The following CCDC152 variants were observed in gnomAD, a reference collection of about 807,000 sequenced individuals.
CCDC152 encodes coiled-coil domain-containing protein 152.
A neutral mutation model predicts 38.1 loss-of-function variants in CCDC152; 37 were observed. The ratio of observed to expected loss-of-function variants is 0.97; its 90% confidence interval spans 0.75 to 1.28. The LOEUF is 1.28. CCDC152 is among the 50% of genes most tolerant of loss of function. The probability of loss-of-function intolerance (pLI) is 0.00; values close to 1 mark genes in which losing one functional copy is unlikely to be tolerated. For missense variants in CCDC152, 259 were observed against 292.1 expected (o/e 0.89, Z 0.83); for synonymous variants, 83 against 87.1 (o/e 0.95, Z 0.26).
At chr5:42,781,193 C>A (rs1759839591) in intron 5 of CCDC152, among the ~76,000 whole-genome samples, 1 of 152,262 alleles carries the variant, frequency 6.6e-6, no homozygotes, top group African/African-American at 2.4e-5. Flanking sequence ...CAGCTTAGTG[C>A]ACACAGTTGT....
At chr5:42,784,325 T>C (rs1451333860) in intron 6 of CCDC152, among the ~76,000 whole-genome samples, 4 of 152,088 alleles carry the variant, frequency 2.6e-5, no homozygotes, top group African/African-American at 9.7e-5. Flanking sequence ...GAAGGTATCT[T>C]ATTGTGGTTT....
At chr5:42,761,557 G>T (rs1759554095) in intron 2 of CCDC152, among the ~76,000 whole-genome samples, 1 of 152,114 alleles carries the variant, frequency 6.6e-6, no homozygotes, top group South Asian at 2.1e-4. Context: ...AGAGGTTGCA[G>T]TGAGCCAAGA....
At chr5:42,799,304 GATTATA>G in intron 7 of CCDC152, 65 bp from the exon 8 acceptor site, 1 of 774,388 alleles carries the variant, frequency 1.3e-6, no homozygotes, top group Admixed American at 2.8e-5. Context: ...GGATAACATG[GATTATA>G]ATTATAGAAA....
At chr5:42,776,921 G>T (rs560300761) in intron 4 of CCDC152, among the ~76,000 whole-genome samples, 2 of 152,150 alleles carry the variant, frequency 1.3e-5, no homozygotes, top group Admixed American at 1.3e-4. Flanking sequence ...AGTGCTTAAA[G>T]AGATATTTAT....
At chr5:42,798,876 G>A (rs1186824639) in intron 7 of CCDC152, among the ~76,000 whole-genome samples, 2 of 152,062 alleles carry the variant, frequency 1.3e-5, no homozygotes, top group African/African-American at 2.4e-5. Context: ...AAACTATATC[G>A]ACAAGATCGT....
chr5:42,793,767 C>T (rs1465136079), intron 6 of CCDC152, among the ~76,000 whole-genome samples: 1 of 152,118 alleles, frequency 6.6e-6, no homozygotes, highest in Admixed American at 6.6e-5. Context: ...TGTCACCATC[C>T]CTGGCTAATT....
chr5:42,784,541 T>C (rs556479528), intron 6 of CCDC152, among the ~76,000 whole-genome samples: 4 of 152,282 alleles, frequency 2.6e-5, no homozygotes, highest in African/African-American at 4.8e-5. Flanking sequence ...GCAAATATTT[T>C]CTCCCATTCT....
chr5:42,799,680 G>GA lies in CCDC152; in HGVS notation c.671dup (p.Asn224LysfsTer9), dbSNP rs920626028. The GA allele has an allele frequency of 6.5e-7, 1 of 1,545,912 alleles. No individual in the cohort carries two copies. The highest frequency in any genetic ancestry group is 2.0e-5 in the Admixed American group (1 of 49,790). On this transcript the variant is annotated frameshift_variant, in exon 9 of 9. Coordinates refer to ENST00000361970, the MANE Select transcript of CCDC152 (RefSeq NM_001134848.2). LOFTEE classifies it high-confidence loss of function. ...TTAGAAACTTCAGCATTTTCAAGAA[G>GA]AAAAAAACAAGGAGATTGCAATTCT...
chr5:42,788,393 A>C (rs1008694088), intron 6 of CCDC152, among the ~76,000 whole-genome samples: 6 of 152,080 alleles, frequency 3.9e-5, no homozygotes, highest in Non-Finnish European at 7.4e-5. Flanking sequence ...CTATAAATGA[A>C]ATCCAATCAG....
chr5:42,782,139 T>C (rs1759855070), intron 5 of CCDC152, among the ~76,000 whole-genome samples: 1 of 152,210 alleles, frequency 6.6e-6, no homozygotes, highest in South Asian at 2.1e-4. Flanking sequence ...TCATAAAGCA[T>C]ACACTTACCA....
At chr5:42,767,884 A>C (rs1250467764) in intron 3 of CCDC152, among the ~76,000 whole-genome samples, 1 of 152,234 alleles carries the variant, frequency 6.6e-6, no homozygotes, top group African/African-American at 2.4e-5. Flanking sequence ...TTTGAATTCT[A>C]TCAGTTAGCA....
chr5:42,790,885 G>A (rs1759989743), intron 6 of CCDC152, among the ~76,000 whole-genome samples: 1 of 152,144 alleles, frequency 6.6e-6, no homozygotes, highest in African/African-American at 2.4e-5. Context: ...AGTCAATTAT[G>A]CTCTCCGAAA....
chr5:42,799,641 ATTTT>A lies in CCDC152; in HGVS notation c.643-15_643-12del. ...TTTTATTTCTGAATTCTAATAACAA[ATTTT>A]TTGTTTCGTTTAGAAACTTCAGCAT... On this transcript the variant is annotated splice_polypyrimidine_tract_variant and intron_variant, in intron 8 of 8. Coordinates refer to ENST00000361970, the MANE Select transcript of CCDC152 (RefSeq NM_001134848.2). The A allele has an allele frequency of 6.6e-7, 1 of 1,521,524 alleles. No homozygotes were observed. The highest frequency in any genetic ancestry group is 8.9e-7 in the Non-Finnish European group (1 of 1,128,116). The allele number at this position is 1,521,524 out of a possible 1,614,324, so 94.3% of individuals were successfully genotyped here.
chr5:42,762,475 A>T lies in CCDC152; in HGVS notation c.120A>T (p.Ile40=). The change falls in exon 3 of 9, where the codon ATA becomes ATT. Residue 40 remains isoleucine (I), a synonymous_variant. Coordinates refer to ENST00000361970, the MANE Select transcript of CCDC152 (RefSeq NM_001134848.2). ...TAGAAACCAATGGAAAGAACAATAT[A>T]CTGGATATTCAGTTGGAAAAAAGTA... The part of the protein sequence containing the change: ...KMVETNGKNN[I]LDIQLEKSNC... The T allele has an allele frequency of 6.5e-7, 1 of 1,532,352 alleles. No individual in the cohort carries two copies. Among genetic ancestry groups the T allele is most frequent in the Non-Finnish European group, 8.9e-7 (1 of 1,129,774 alleles). The allele number at this position is 1,532,352 out of a possible 1,614,324, so 94.9% of individuals were successfully genotyped here. A position where few individuals can be genotyped will look rare whatever the true frequency, so the allele number is the denominator to read the frequency against.
intron 4 of CCDC152, among the ~76,000 whole-genome samples, chr5:42,778,088 G>T (rs1051669810): frequency 5.9e-5 from 9 of 152,182 alleles, no homozygotes; most frequent in African/African-American, 2.2e-4. Flanking sequence ...AGGTTGTAGA[G>T]GGGAAATTGT....
intron 6 of CCDC152, among the ~76,000 whole-genome samples, chr5:42,789,984 G>A (rs1040753592): frequency 1.2e-4 from 19 of 152,038 alleles, no homozygotes; most frequent in Admixed American, 6.6e-4. Flanking sequence ...ATTGGACTTC[G>A]TCAAAGTTAT....
Position 42,800,351 on chromosome 5 carries a change from GA to G in CCDC152, c.*577del. The G allele has an allele frequency of 6.0e-6, 1 of 166,642 alleles. No individual in the cohort carries two copies. The highest frequency in any genetic ancestry group is 1.3e-5 in the Non-Finnish European group (1 of 78,106). 10.3% of individuals were successfully genotyped at this position (166,642 alleles called of 1,614,324 possible). The stretch of plus-strand genomic sequence containing the variant: ...AATATTGTTTTGAGAGATAAGTAAA[GA>G]AAAAAATGGAAAGCATGTCTTTGTT... On this transcript the variant is annotated 3_prime_UTR_variant, in exon 9 of 9. Transcript: ENST00000361970.
At chr5:42,772,049 A>T (rs1759705885) in intron 4 of CCDC152, among the ~76,000 whole-genome samples, 1 of 152,210 alleles carries the variant, frequency 6.6e-6, no homozygotes, top group South Asian at 2.1e-4. Context: ...GCCCATTAAA[A>T]AGATCATATA....
chr5:42,785,676 G>T (rs77071544), intron 6 of CCDC152, among the ~76,000 whole-genome samples: 1 of 152,184 alleles, frequency 6.6e-6, no homozygotes, highest in African/African-American at 2.4e-5. Context: ...GAATAGGGGT[G>T]GTGACAATGG....
Sources: allele counts gnomAD v4.1 joint callset (sites outside exome capture counted in the v4.1 genomes callset), GRCh38; gene constraint gnomAD v4.1.1; transcripts MANE v1.5; gene names NCBI Gene and HGNC (gene_info 2026-07-23, HGNC 2026-07-21).